The following TPT1 variants were observed in gnomAD, a reference collection of about 807,000 sequenced individuals.
TPT1 encodes the protein translationally-controlled tumor protein.
A neutral mutation model predicts 22.8 loss-of-function variants in TPT1; 5 were observed. The observed-to-expected ratio is 0.22, with a 90% confidence interval of 0.11 to 0.46. The LOEUF (loss-of-function observed/expected upper bound fraction) is 0.46, where lower values mean the gene tolerates loss of function less well. TPT1 is among the 20% of genes least tolerant of loss of function. TPT1 has a pLI of 0.99. For synonymous variants in TPT1, 89 were observed against 73.6 expected, an observed-to-expected ratio of 1.21 and a Z score of -1.07; for missense variants, 130 against 218.7, an observed-to-expected ratio of 0.59 and a Z score of 2.56.
chr13:45,340,645 G>C (rs553360711), intron 2 of TPT1, 67 bp downstream of exon 2: 30 of 1,514,300 alleles, frequency 2.0e-5, no homozygotes, highest in Middle Eastern at 3.4e-4. Flanking sequence ...AACCTCAGGC[G>C]GGGGAGCGGA....
Position 45,341,031 on chromosome 13 carries a change from T to C in TPT1, c.28+11A>G. 6.2e-7 allele frequency: 1 copy of C among 1,611,666 alleles called. No individual in the cohort carries two copies. Among genetic ancestry groups the C allele is most frequent in the African/African-American group, 1.3e-5 (1 of 74,908 alleles). On this transcript the variant is annotated intron_variant, in intron 1 of 5. Transcript: ENST00000530705. ...GTGTGCGGCAGTAAGGATAGTGCAG[T>C]GAGGACTCACGGCTGATGAGGTCCC...
At chr13:45,340,567 G>A (rs1038557089) in intron 2 of TPT1, 145 bp downstream of exon 2, 23 of 1,048,804 alleles carry the variant, frequency 2.2e-5, no homozygotes, top group Admixed American at 4.0e-5. Context: ...TCCGCCTCCA[G>A]TTTTCTAGAA....
chr13:45,341,173 G>T lies in TPT1; in HGVS notation c.-104C>A. On this transcript the variant is annotated 5_prime_UTR_variant, in exon 1 of 6. Coordinates refer to ENST00000530705, the MANE Select transcript of TPT1 (RefSeq NM_003295.4). ...GCGGCGCTCGGGGGGAGGGGGGAGC[G>T]GGCGGAAAAGGCCGACTCAGCCGCT... 2.7e-6 allele frequency: 4 copies of T among 1,499,772 alleles called. No individual in the cohort carries two copies. The highest frequency in any genetic ancestry group is 3.6e-6 in the Non-Finnish European group (4 of 1,098,276). The allele number at this position is 1,499,772 out of a possible 1,614,324, so 92.9% of individuals were successfully genotyped here.
Position 45,339,515 on chromosome 13 carries a change from A to G in TPT1, c.381T>C (p.Ala127=). The stretch of plus-strand genomic sequence containing the variant: ...TATTTACCTGGTAGTTTTTGAAATT[A>G]GCAAGGATGTGCTTGATTTGTTCTG... ...GAAEQIKHIL[A]NFKNYQFFIG... Residue 127 remains alanine (A), a synonymous_variant, in exon 4 of 6, where the codon GCT becomes GCC. Coordinates refer to ENST00000530705, the MANE Select transcript of TPT1 (RefSeq NM_003295.4). The G allele has an allele frequency of 1.2e-6, 2 of 1,613,642 alleles. No homozygotes were observed. Among genetic ancestry groups the G allele is most frequent in the East Asian group, 2.2e-5 (1 of 44,846 alleles).
intron 2 of TPT1, chr13:45,340,445 G>C (rs1458664750): frequency 1.4e-6 from 1 of 737,706 alleles, no homozygotes; most frequent in Admixed American, 2.0e-5. Flanking sequence ...TGGTAAGTGG[G>C]GACAGGACAA....
In TPT1 at chr13:45,341,172, C is replaced by A. The variant is rs1593560133; in HGVS notation, c.-103G>T. Reference sequence around the variant, plus strand: ...AGCGGCGCTCGGGGGGAGGGGGGAGCGGGCGGAAAAGGCCGACTCAGCCGC... The same window carrying A: ...AGCGGCGCTCGGGGGGAGGGGGGAGAGGGCGGAAAAGGCCGACTCAGCCGC... On this transcript the variant is annotated 5_prime_UTR_variant, in exon 1 of 6. Transcript: ENST00000530705. The A allele has an allele frequency of 2.0e-6, 3 of 1,526,940 alleles. No individual in the cohort carries two copies. Among genetic ancestry groups the A allele is most frequent in the Admixed American group, 3.8e-5 (2 of 52,988 alleles). The allele number at this position is 1,526,940 out of a possible 1,614,324, so 94.6% of individuals were successfully genotyped here.
At chr13:45,337,651 C>T in intron 5 of TPT1, 3 of 1,312,960 alleles carry the variant, frequency 2.3e-6, no homozygotes, top group Non-Finnish European at 3.3e-6. Context: ...TTTCAGAAGG[C>T]TGTGGCATGT....
At chr13:45,338,863 T>G in intron 4 of TPT1, 87 bp from the exon 5 acceptor site, 1 of 1,150,410 alleles carries the variant, frequency 8.7e-7, no homozygotes. Flanking sequence ...AGGGAAGGTT[T>G]AGACCACCAC....
At position 45,340,146 on chromosome 13, in the gene TPT1, G is replaced by A; in HGVS notation, c.141C>T (p.Leu47=). 1 of 1,613,986 alleles carries A rather than the reference G, an allele frequency of 6.2e-7. No individual in the cohort carries two copies. Among genetic ancestry groups the A allele is most frequent in the Non-Finnish European group, 8.5e-7 (1 of 1,179,946 alleles). ...CTTCAGCGGAGGCATTTCCACCAATGAGCGAGTCATCAATGTTACCTTCTG... is the reference window on the plus strand; with the variant it reads ...CTTCAGCGGAGGCATTTCCACCAATAAGCGAGTCATCAATGTTACCTTCTG... ...SRTEGNIDDS[L]IGGNASAEGP... Residue 47 remains leucine, a synonymous_variant, in exon 3 of 6, where the codon CTC becomes CTT. Transcript: ENST00000530705.
At chr13:45,340,502 A>C (rs1879026389) in intron 2 of TPT1, 4 of 761,334 alleles carry the variant, frequency 5.3e-6, no homozygotes, top group Non-Finnish European at 9.1e-6. Flanking sequence ...CATGTCCCGG[A>C]CAACCCCGGG....
intron 5 of TPT1, 163 bp downstream of exon 5, chr13:45,338,497 A>AT: frequency 7.3e-7 from 1 of 1,365,422 alleles, no homozygotes; most frequent in Non-Finnish European, 9.7e-7. Flanking sequence ...TACCCTAAGA[A>AT]TTTTTTACAT....
intron 2 of TPT1, chr13:45,340,457 C>A (rs1433195702): frequency 8.1e-6 from 6 of 736,970 alleles, no homozygotes; most frequent in Non-Finnish European, 1.2e-5. Context: ...ACAGGACAAA[C>A]ACGAAAGGAC....
chr13:45,340,745 G>A lies in TPT1; in HGVS notation c.69C>T (p.Ile23=), dbSNP rs776644675. The A allele has an allele frequency of 1.3e-6, 2 of 1,520,670 alleles. No homozygotes were observed. The highest frequency in any genetic ancestry group is 1.8e-6 in the Non-Finnish European group (2 of 1,135,370). The allele number at this position is 1,520,670 out of a possible 1,614,324, so 94.2% of individuals were successfully genotyped here. A position where few individuals can be genotyped will look rare whatever the true frequency, so the allele number is the denominator to read the frequency against. ...CCACCTCCAGGCACAACCCGTCCGC[G>A]ATCTCCCGGATCTTGTAGATGTCGG... ...MFSDIYKIRE[I]ADGLCLEVEG... is the part of the protein sequence containing the mutation. Residue 23 remains isoleucine (I), a synonymous_variant, in exon 2 of 6, where the codon ATC becomes ATT. Transcript: ENST00000530705.
At chr13:45,339,319 A>G (rs1157143038) in intron 4 of TPT1, 178 bp downstream of exon 4, 2 of 496,066 alleles carry the variant, frequency 4.0e-6, no homozygotes, top group Non-Finnish European at 7.0e-6. Flanking sequence ...AAAACTGAGA[A>G]ATGTCATCTG....
rs1156650080 is a variant in TPT1 at position 45,334,912 on chromosome 13, G to A, written c.*2474C>T. The A allele has an allele frequency of 6.6e-6, 1 of 152,090 alleles. No homozygotes were observed. The highest frequency in any genetic ancestry group is 1.5e-5 in the Non-Finnish European group (1 of 68,032). The allele number at this position is 152,090 out of a possible 1,614,324, so 9.4% of individuals were successfully genotyped here. A position where few individuals can be genotyped will look rare whatever the true frequency, so the allele number is the denominator to read the frequency against. On this transcript the variant is annotated 3_prime_UTR_variant, in exon 6 of 6. Coordinates refer to ENST00000530705, the MANE Select transcript of TPT1 (RefSeq NM_003295.4). ...ACTCCAGACTAACTGCTGTTGTCTT[G>A]GCCTGGAATGGTTTGTCCTGATATC...
In TPT1 at chr13:45,341,146, G is replaced by C. The variant is rs534188240; in HGVS notation, c.-77C>G. 3.7e-5 allele frequency: 58 copies of C among 1,585,318 alleles called. No individual in the cohort carries two copies. In the African/African-American group the frequency reaches 6.7e-4, roughly 18 times the overall value. ...ACTCGGAGCGAGCGCGGTGCAGCCG[G>C]AGCGGCGCTCGGGGGGAGGGGGGAG... On this transcript the variant is annotated 5_prime_UTR_variant, in exon 1 of 6. Transcript: ENST00000530705.
chr13:45,338,631 T>C (rs1294025108), intron 5 of TPT1, 29 bp downstream of exon 5: 1 of 1,599,876 alleles, frequency 6.3e-7, no homozygotes, highest in East Asian at 2.2e-5. Context: ...TTTTACATTA[T>C]TTATTTTAAC....
intron 2 of TPT1, chr13:45,340,446 G>T: frequency 1.4e-6 from 1 of 737,952 alleles, no homozygotes; most frequent in Non-Finnish European, 2.4e-6. Context: ...GGTAAGTGGG[G>T]ACAGGACAAA....
Position 45,340,803 on chromosome 13 carries a change from C to A in TPT1, c.29-18G>T. On this transcript the variant is annotated intron_variant, in intron 1 of 5. Transcript: ENST00000530705. ...CTCATCGTCTGCCGGATACACAGAG[C>A]CGCCCATCACCGTGCGCCTGGCGCC... The A allele has an allele frequency of 6.0e-6, 9 of 1,509,376 alleles. No homozygotes were observed. Among genetic ancestry groups the A allele is most frequent in the Non-Finnish European group, 6.2e-6 (7 of 1,130,784 alleles). The allele number at this position is 1,509,376 out of a possible 1,614,324, so 93.5% of individuals were successfully genotyped here.
Sources: allele counts gnomAD v4.1 joint callset, GRCh38; gene constraint gnomAD v4.1.1; transcripts MANE v1.5; gene names NCBI Gene and HGNC (gene_info 2026-07-23, HGNC 2026-07-21).